APEX1: variants seen among roughly 807,000 people sequenced by gnomAD.
APEX1 encodes DNA repair nuclease/redox regulator APEX1.
A neutral mutation model predicts 33.2 loss-of-function variants in APEX1; 32 were observed. That is an observed-to-expected ratio of 0.96 (90% CI 0.73 to 1.29). The LOEUF is 1.29. APEX1 is among the 50% of genes most tolerant of loss of function. APEX1 has a pLI of 0.00. For synonymous variants in APEX1, 175 were observed against 156.6 expected (o/e 1.12, Z -0.88); for missense variants, 442 against 395.6 (o/e 1.12, Z -0.99).
rs747759495 is a variant in APEX1, at chr14:20,456,996, G to A, written c.445G>A (p.Glu149Lys). The A allele has an allele frequency of 8.9e-5, 144 of 1,613,738 alleles. 3 individuals carry two copies. The Admixed American group carries it at 2.3e-3, about 26-fold the overall frequency. The change falls in exon 5 of 5, where the codon GAG (glutamate) becomes AAG (lysine). Residue 149 changes from glutamate (E) to lysine (K), a missense_variant. Coordinates refer to ENST00000216714, the MANE Select transcript of APEX1 (RefSeq NM_001641.4). The part of the protein sequence containing the change: ...PLKVSYGIGD[E>K]EHDQEGRVIV... ...ATTCTGTTTCATTTCTATAGGCGAT[G>A]AGGAGCATGATCAGGAAGGCCGGGT... is the stretch of plus-strand genomic sequence containing the variant.
Position 20,457,635 on chromosome 14 carries a change from C to T in APEX1, c.*127C>T, listed in dbSNP as rs1022831389. 2.2e-6 allele frequency: 3 copies of T among 1,350,794 alleles called. No homozygotes were observed. The highest frequency in any genetic ancestry group is 3.1e-6 in the Non-Finnish European group (3 of 956,686). The allele number at this position is 1,350,794 out of a possible 1,614,324, so 83.7% of individuals were successfully genotyped here. A position where few individuals can be genotyped will look rare whatever the true frequency, so the allele number is the denominator to read the frequency against. ...TAAAACTAGGAATCCTCCAACCAGG[C>T]TCCTGTGATAGAGTTCTTTTAAGCC... On this transcript the variant is annotated 3_prime_UTR_variant, in exon 5 of 5. Transcript: ENST00000216714.
At position 20,456,727 on chromosome 14, in the gene APEX1, C is replaced by G; in HGVS notation, c.306C>G (p.Asn102Lys). The G allele has an allele frequency of 1.2e-6, 2 of 1,614,216 alleles. No individual in the cohort carries two copies. Among genetic ancestry groups the G allele is most frequent in the Non-Finnish European group, 1.7e-6 (2 of 1,180,028 alleles). Reference protein sequence around the residue: ...LCLQETKCSENKLPAELQELP... With the variant: ...LCLQETKCSEKKLPAELQELP... ...TTCAAGAGACCAAATGTTCAGAGAA[C>G]AAACTACCAGCTGAACTTCAGGAGC... Residue 102 changes from asparagine to lysine, a missense_variant, in exon 4 of 5, where the codon AAC becomes AAG. Transcript: ENST00000216714.
rs561523887 is a variant in APEX1, at chr14:20,457,717, CTAA to C, written c.*211_*213del. 3.1e-6 allele frequency: 2 copies of C among 655,084 alleles called. No homozygotes were observed. The highest frequency in any genetic ancestry group is 3.9e-5 in the South Asian group (2 of 51,430). 40.6% of individuals were successfully genotyped at this position (655,084 alleles called of 1,614,324 possible). A position where few individuals can be genotyped will look rare whatever the true frequency, so the allele number is the denominator to read the frequency against. On this transcript the variant is annotated 3_prime_UTR_variant, in exon 5 of 5. Coordinates refer to ENST00000216714, the MANE Select transcript of APEX1 (RefSeq NM_001641.4). The stretch of plus-strand genomic sequence containing the variant: ...TTAAAAAAAAATTGAACAAAGACTA[CTAA>C]TGACTTTGTTTGAATTATCCACATG...
At chr14:20,455,874 A>G (rs1246277351) in intron 2 of APEX1, 40 bp from the exon 3 acceptor site, 2 of 1,613,674 alleles carry the variant, frequency 1.2e-6, no homozygotes, top group Non-Finnish European at 1.7e-6. Flanking sequence ...GCAGTTGGAA[A>G]CCACCAGCTT....
intron 3 of APEX1, 144 bp downstream of exon 3, chr14:20,456,245 T>C: frequency 1.1e-6 from 1 of 920,958 alleles, no homozygotes; most frequent in Non-Finnish European, 1.7e-6. Context: ...GTCTTGCCAG[T>C]TGTATTTCCT....
At position 20,457,170 on chromosome 14, in the gene APEX1, CTG is replaced by C. The variant is rs772601826; in HGVS notation, c.624_625del (p.Cys208TrpfsTer8). 3.1e-6 allele frequency: 5 copies of C among 1,614,066 alleles called. No individual in the cohort carries two copies. Among genetic ancestry groups the C allele is most frequent in the African/African-American group, 1.3e-5 (1 of 74,906 alleles). On this transcript the variant is annotated frameshift_variant, in exon 5 of 5. Transcript: ENST00000216714. LOFTEE classifies it high-confidence loss of function. ...KGLASRKPLV[L>X]CGDLNVAHEE... Reference sequence around the variant, plus strand: ...CCTGGCTTCCCGAAAGCCCCTTGTGCTGTGTGGAGACCTCAATGTGGCACATG... The same window carrying C: ...CCTGGCTTCCCGAAAGCCCCTTGTGCTGTGGAGACCTCAATGTGGCACATG...
chr14:20,456,079 G>C lies in APEX1; in HGVS notation c.224G>C (p.Trp75Ser). ...CSWNVDGLRA[W>S]IKKKGLDWVK... ...TGGAATGTGGATGGGCTTCGAGCCT[G>C]GATTAAGAAGAAAGGATTAGATGTG... Residue 75 changes from tryptophan (W) to serine (S), a missense_variant, in exon 3 of 5, where the codon TGG (tryptophan) becomes TCG (serine). Trp to Ser is a radical substitution (Grantham distance 177). Coordinates refer to ENST00000216714, the MANE Select transcript of APEX1 (RefSeq NM_001641.4). 3 of 1,614,172 alleles carry C rather than the reference G, an allele frequency of 1.9e-6. No individual in the cohort carries two copies. The highest frequency in any genetic ancestry group is 2.5e-6 in the Non-Finnish European group (3 of 1,180,016).
Position 20,457,358 on chromosome 14 carries a change from T to G in APEX1, c.807T>G (p.Tyr269Ter), listed in dbSNP as rs1065749. ...CCTATGCCTACACCTTTTGGACTTA[T>G]ATGATGAATGCTCGATCCAAGAATG... ...NTPYAYTFWTYMMNARSKNVG... is the reference protein window; with the variant it reads ...NTPYAYTFWT The change falls in exon 5 of 5, where the codon TAT becomes TAG. Residue 269 changes from tyrosine (Y) to a stop codon, truncating the protein, a stop_gained. Coordinates refer to ENST00000216714, the MANE Select transcript of APEX1 (RefSeq NM_001641.4). LOFTEE classifies it high-confidence loss of function. 6.2e-7 allele frequency: 1 copy of G among 1,614,120 alleles called. No homozygotes were observed. The highest frequency in any genetic ancestry group is 8.5e-7 in the Non-Finnish European group (1 of 1,180,044).
chr14:20,457,693 T>TA lies in APEX1; in HGVS notation c.*194dup, dbSNP rs1034713911. The TA allele has an allele frequency of 3.2e-4, 249 of 776,832 alleles. No individual in the cohort carries two copies. The highest frequency in any genetic ancestry group is 8.8e-4 in the African/African-American group (50 of 56,730). 48.1% of individuals were successfully genotyped at this position (776,832 alleles called of 1,614,324 possible). ...TTTTATTTGAGGGTTTTTTGTTTTT[T>TA]AAAAAAAAATTGAACAAAGACTACT... On this transcript the variant is annotated 3_prime_UTR_variant, in exon 5 of 5. Transcript: ENST00000216714.
rs1265224003 is a variant in APEX1, at chr14:20,455,968, C to T, written c.113C>T (p.Ala38Val). 6.2e-7 allele frequency: 1 copy of T among 1,614,122 alleles called. No individual in the cohort carries two copies. The change falls in exon 3 of 5, where the codon GCA becomes GTA. Residue 38 changes from alanine (A) to valine (V), a missense_variant. By Grantham distance (64) the Ala-to-Val change is moderately conservative. Coordinates refer to ENST00000216714, the MANE Select transcript of APEX1 (RefSeq NM_001641.4). The stretch of plus-strand genomic sequence containing the variant: ...GCAAAGAAAAATGACAAAGAGGCAG[C>T]AGGAGAGGGCCCAGCCCTGTATGAG... The part of the protein sequence containing the change: ...TAAKKNDKEA[A>V]GEGPALYEDP...
Position 20,456,485 on chromosome 14 carries a change from A to G in APEX1, c.247-183A>G, listed in dbSNP as rs561618288. ...TTGGCATAGCATGTAAGACTTTCTT[A>G]CCTCTCTATATTTGTTTTCATTTAT... is the stretch of plus-strand genomic sequence containing the variant. On this transcript the variant is annotated intron_variant, in intron 3 of 4. Transcript: ENST00000216714. Among the ~76,000 whole-genome samples, 3 of 152,218 alleles carry G rather than the reference A, an allele frequency of 2.0e-5. No homozygotes were observed. The East Asian group carries it at 5.8e-4, about 29-fold the overall frequency.
chr14:20,456,196 A>G (rs376601417), intron 3 of APEX1, 95 bp downstream of exon 3: 1 of 1,408,244 alleles, frequency 7.1e-7, no homozygotes. Flanking sequence ...AGGCTGTTTT[A>G]TTTTTCTCCT....
chr14:20,455,847 A>G (rs770294672), intron 2 of APEX1, 67 bp from the exon 3 acceptor site: 22 of 1,613,572 alleles, frequency 1.4e-5, no homozygotes, highest in Admixed American at 3.3e-5. Context: ...CGTTGGGTCT[A>G]TAGTTAACGC....
Position 20,457,559 on chromosome 14 carries a change from A to G in APEX1, c.*51A>G. On this transcript the variant is annotated 3_prime_UTR_variant, in exon 5 of 5. Transcript: ENST00000216714. ...TGGGAAATAAGCCCCCTCAACTACCATTCCTTCTTTAAACACTCTTCAGAG... is the reference window on the plus strand; with the variant it reads ...TGGGAAATAAGCCCCCTCAACTACCGTTCCTTCTTTAAACACTCTTCAGAG... 1.3e-6 allele frequency: 2 copies of G among 1,589,462 alleles called. No individual in the cohort carries two copies. The highest frequency in any genetic ancestry group is 8.6e-7 in the Non-Finnish European group (1 of 1,162,836).
chr14:20,455,740 G>A, intron 2 of APEX1, 37 bp downstream of exon 2: 3 of 1,614,210 alleles, frequency 1.9e-6, no homozygotes, highest in Non-Finnish European at 2.5e-6. Context: ...CCTAGAAGCT[G>A]CGGCGGGGGT....
chr14:20,455,793 T>G (rs1304328121), intron 2 of APEX1, 90 bp downstream of exon 2: 2 of 1,613,898 alleles, frequency 1.2e-6, no homozygotes, highest in South Asian at 2.2e-5. Flanking sequence ...GGCCGACTCA[T>G]TTTTGCAGGG....
rs1353080676 is a variant in APEX1 at position 20,457,434 on chromosome 14, T to C, written c.883T>C (p.Leu295=). The change falls in exon 5 of 5, where the codon TTG becomes CTG. Residue 295 remains leucine, a synonymous_variant. Transcript: ENST00000216714. ...FLLSHSLLPA[L]CDSKIRSKAL... The stretch of plus-strand genomic sequence containing the variant: ...GTTGTCCCACTCTCTGTTACCTGCA[T>C]TGTGTGACAGCAAGATCCGTTCCAA... The C allele has an allele frequency of 1.1e-5, 18 of 1,614,206 alleles. No homozygotes were observed. Among genetic ancestry groups the C allele is most frequent in the East Asian group, 2.2e-5 (1 of 44,888 alleles).
In APEX1 at chr14:20,457,422, C is replaced by CT. The variant is rs775302420; in HGVS notation, c.872dup (p.Leu292ValfsTer6). The CT allele has an allele frequency of 3.3e-4, 527 of 1,614,176 alleles. No homozygotes were observed. Among genetic ancestry groups the CT allele is most frequent in the Non-Finnish European group, 4.4e-4 (515 of 1,180,016 alleles). On this transcript the variant is annotated frameshift_variant, in exon 5 of 5. Coordinates refer to ENST00000216714, the MANE Select transcript of APEX1 (RefSeq NM_001641.4). LOFTEE classifies it high-confidence loss of function. ...TGATTACTTTTTGTTGTCCCACTCT[C>CT]TGTTACCTGCATTGTGTGACAGCAA...
Position 20,457,302 on chromosome 14 carries a change from G to A in APEX1, c.751G>A (p.Asp251Asn). The change falls in exon 5 of 5, where the codon GAC becomes AAC. Residue 251 changes from aspartate to asparagine, a missense_variant. Transcript: ENST00000216714. ...GELLQAVPLA[D>N]SFRHLYPNTP... Reference sequence around the variant, plus strand: ...ATTACTGCAGGCTGTGCCACTGGCTGACAGCTTTAGGCACCTCTACCCCAA... The same window carrying A: ...ATTACTGCAGGCTGTGCCACTGGCTAACAGCTTTAGGCACCTCTACCCCAA... 6.2e-7 allele frequency: 1 copy of A among 1,614,208 alleles called. No homozygotes were observed. Among genetic ancestry groups the A allele is most frequent in the Non-Finnish European group, 8.5e-7 (1 of 1,180,046 alleles).
Sources: gnomAD v4.1 joint callset for allele counts (sites outside exome capture counted in the v4.1 genomes callset) on GRCh38, gnomAD v4.1.1 for gene constraint, MANE v1.5 for transcripts, NCBI Gene and HGNC (gene_info 2026-07-23, HGNC 2026-07-21) for gene names.